Variants in CDIN1 observed in about 807,000 individuals in gnomAD.
CDIN1 encodes CDAN1 interacting nuclease 1.
CDIN1 carries 33 observed loss-of-function variants against 45.3 expected under a neutral mutation model. That is an observed-to-expected ratio of 0.73 (90% CI 0.55 to 0.97). The LOEUF (loss-of-function observed/expected upper bound fraction) is 0.97, where lower values mean the gene tolerates loss of function less well. CDIN1 is among the 50% of genes least tolerant of loss of function. CDIN1 has a pLI of 0.00. For synonymous variants in CDIN1, 118 were observed against 124.4 expected (o/e 0.95, Z 0.34); for missense variants, 303 against 339.4 (o/e 0.89, Z 0.84).
intron 3 of CDIN1, 62 bp from the exon 4 acceptor site, chr15:36,654,036 C>A: frequency 8.0e-7 from 1 of 1,256,668 alleles, no homozygotes; most frequent in Non-Finnish European, 1.1e-6. Flanking sequence ...ACAGGGGATG[C>A]TGACAAGTCT....
intron 10 of CDIN1, among the ~76,000 whole-genome samples, chr15:36,770,357 A>G (rs1187956475): frequency 6.6e-6 from 1 of 151,782 alleles, no homozygotes; most frequent in African/African-American, 2.4e-5. Flanking sequence ...GGAAGGAGGG[A>G]GGGAGAGAGA....
chr15:36,660,987 T>A (rs1224643506), intron 5 of CDIN1, among the ~76,000 whole-genome samples: 1 of 152,158 alleles, frequency 6.6e-6, no homozygotes, highest in Admixed American at 6.5e-5. Context: ...GAAGTGAGGC[T>A]GTTCTGGGAG....
At chr15:36,675,628 T>G (rs2041622488) in intron 5 of CDIN1, among the ~76,000 whole-genome samples, 1 of 152,196 alleles carries the variant, frequency 6.6e-6, no homozygotes, top group Non-Finnish European at 1.5e-5. Context: ...AATGTATCTT[T>G]TAACTGTCTC....
At chr15:36,603,496 TA>T (rs1262060022) in intron 1 of CDIN1, among the ~76,000 whole-genome samples, 1 of 152,240 alleles carries the variant, frequency 6.6e-6, no homozygotes, top group East Asian at 1.9e-4. Flanking sequence ...AGCATTTTCA[TA>T]AAACTTTCTC....
At chr15:36,583,812 C>T (rs994692430) in intron 1 of CDIN1, among the ~76,000 whole-genome samples, 3 of 152,104 alleles carry the variant, frequency 2.0e-5, no homozygotes, top group African/African-American at 4.8e-5. Flanking sequence ...GTCAGGAGAT[C>T]GAGACCATCC....
At chr15:36,716,479 C>T (rs1223939529) in intron 10 of CDIN1, among the ~76,000 whole-genome samples, 2 of 152,110 alleles carry the variant, frequency 1.3e-5, no homozygotes, top group African/African-American at 2.4e-5. Flanking sequence ...GAGGCTAATT[C>T]TAGAATAATG....
Position 36,625,438 on chromosome 15 carries a change from C to T in CDIN1, c.102-18840C>T, listed in dbSNP as rs2039383049. Among the ~76,000 whole-genome samples, 2 of 152,070 alleles carry T rather than the reference C, an allele frequency of 1.3e-5. 1 individual carries two copies. Among genetic ancestry groups the T allele is most frequent in the South Asian group, 4.1e-4 (2 of 4,828 alleles). On this transcript the variant is annotated intron_variant, in intron 1 of 10. Coordinates refer to ENST00000566621, the MANE Select transcript of CDIN1 (RefSeq NM_001321759.2). ...TGATTGCATAGAGTTAGTAGGATGT[C>T]TTATGTATTCTAGCAGGATTTCATA...
intron 1 of CDIN1, among the ~76,000 whole-genome samples, chr15:36,595,972 G>T (rs1233050724): frequency 6.6e-6 from 1 of 152,134 alleles, no homozygotes; most frequent in Admixed American, 6.5e-5. Flanking sequence ...TTTAATATCT[G>T]CTTCAGTAGA....
chr15:36,760,741 G>C (rs1003682838), intron 10 of CDIN1, among the ~76,000 whole-genome samples: 1 of 152,166 alleles, frequency 6.6e-6, no homozygotes, highest in African/African-American at 2.4e-5. Context: ...GGTGGTGGTG[G>C]TGGTTGAACA....
chr15:36,796,933 T>C (rs1243544118), intron 10 of CDIN1, among the ~76,000 whole-genome samples: 5 of 152,252 alleles, frequency 3.3e-5, no homozygotes, highest in Non-Finnish European at 7.3e-5. Flanking sequence ...TCTATTTTGC[T>C]ATCATGACTC....
At chr15:36,619,073 C>G in intron 1 of CDIN1, 1 of 1,204,110 alleles carries the variant, frequency 8.3e-7, no homozygotes. Flanking sequence ...CCTTAGAAGT[C>G]CCTTGAGAAA....
chr15:36,800,909 G>GTATATATA (rs370036091), intron 10 of CDIN1, among the ~76,000 whole-genome samples: 616 of 22,326 alleles, frequency 0.028, 57 homozygotes, highest in Non-Finnish European at 0.048. Context: ...GTGTGTGTGT[G>GTATATATA]TATATATATA....
intron 1 of CDIN1, among the ~76,000 whole-genome samples, chr15:36,642,218 C>G (rs1355234338): frequency 6.6e-6 from 1 of 152,178 alleles, no homozygotes; most frequent in African/African-American, 2.4e-5. Flanking sequence ...AACTACTTTC[C>G]TGCTCCTTAT....
At chr15:36,668,155 T>C (rs140310019) in intron 5 of CDIN1, 1 of 152,278 alleles carries the variant, frequency 6.6e-6, no homozygotes, top group East Asian at 1.9e-4. Context: ...TAATTTTTCT[T>C]GGGCTCAGTG....
intron 1 of CDIN1, among the ~76,000 whole-genome samples, chr15:36,587,328 A>C (rs889309084): frequency 1.3e-5 from 2 of 152,188 alleles, no homozygotes; most frequent in African/African-American, 4.8e-5. Context: ...CAAAAGTAAT[A>C]GGTAAAAACT....
intron 8 of CDIN1, among the ~76,000 whole-genome samples, chr15:36,698,865 C>T (rs893040552): frequency 1.3e-5 from 2 of 152,140 alleles, no homozygotes; most frequent in African/African-American, 4.8e-5. Context: ...GGAAAAAAAG[C>T]AAAGGTTGTA....
At chr15:36,591,799 C>T (rs950974545) in intron 1 of CDIN1, 1 of 152,180 alleles carries the variant, frequency 6.6e-6, no homozygotes, top group Non-Finnish European at 1.5e-5. Flanking sequence ...AGGGAGGAGT[C>T]CTACCCAGTG....
intron 10 of CDIN1, among the ~76,000 whole-genome samples, chr15:36,761,415 C>A (rs975506452): frequency 6.6e-6 from 1 of 152,184 alleles, no homozygotes; most frequent in Admixed American, 6.5e-5. Context: ...GGGCATTTAT[C>A]ATTTTTCCTC....
chr15:36,699,387 T>C (rs1700183350), intron 8 of CDIN1, among the ~76,000 whole-genome samples: 2 of 152,172 alleles, frequency 1.3e-5, no homozygotes, highest in Non-Finnish European at 1.5e-5. Context: ...AAGCCAACTA[T>C]GGAAAAAATA....
Sources: allele counts gnomAD v4.1 joint callset (sites outside exome capture counted in the v4.1 genomes callset), GRCh38; gene constraint gnomAD v4.1.1; transcripts MANE v1.5; gene names NCBI Gene and HGNC (gene_info 2026-07-23, HGNC 2026-07-21).